The following EEPD1 variants were observed in gnomAD, a reference collection of about 807,000 sequenced individuals.
EEPD1 encodes the protein endonuclease/exonuclease/phosphatase family domain-containing protein 1.
In EEPD1, 17 loss-of-function variants were observed where a neutral mutation model predicts 46.3. That is an observed-to-expected ratio of 0.37 (90% CI 0.25 to 0.55). The LOEUF (loss-of-function observed/expected upper bound fraction) is 0.55. Ranked by LOEUF, EEPD1 falls within the 20% of genes least tolerant of loss-of-function variation. The probability of loss-of-function intolerance (pLI) is 0.83; values close to 1 mark genes in which losing one functional copy is unlikely to be tolerated. For missense variants in EEPD1, 673 were observed against 745.6 expected, an observed-to-expected ratio of 0.90 and a Z score of 1.13; for synonymous variants, 313 against 315.6, an observed-to-expected ratio of 0.99 and a Z score of 0.09.
intron 2 of EEPD1, among the ~76,000 whole-genome samples, chr7:36,188,352 TCTC>T (rs1420906006): frequency 5.3e-5 from 8 of 152,332 alleles, no homozygotes; most frequent in African/African-American, 1.9e-4. Flanking sequence ...CACCTCCTCT[TCTC>T]ACTGACATCA....
intron 3 of EEPD1, among the ~76,000 whole-genome samples, chr7:36,240,791 CG>C (rs1786543621): frequency 6.6e-6 from 1 of 152,126 alleles, no homozygotes; most frequent in Non-Finnish European, 1.5e-5. Context: ...AAAATTTTTC[CG>C]CAGACCTGGG....
intron 2 of EEPD1, among the ~76,000 whole-genome samples, chr7:36,191,457 G>A (rs936519929): frequency 6.6e-6 from 1 of 152,208 alleles, no homozygotes; most frequent in African/African-American, 2.4e-5. Flanking sequence ...GGGCAGAGAT[G>A]CTGTGGTAGA....
chr7:36,162,263 T>G (rs1295831024), intron 2 of EEPD1, among the ~76,000 whole-genome samples: 1 of 152,230 alleles, frequency 6.6e-6, no homozygotes, highest in Non-Finnish European at 1.5e-5. Flanking sequence ...TGAACTCAAG[T>G]GGCTGGGAAC....
intron 3 of EEPD1, among the ~76,000 whole-genome samples, chr7:36,256,174 A>T (rs1434914211): frequency 2.6e-5 from 4 of 152,220 alleles, no homozygotes; most frequent in Non-Finnish European, 5.9e-5. Context: ...ATTTGATTGC[A>T]CTGTGTGCTG....
rs902908495 is a variant in EEPD1 at position 36,273,665 on chromosome 7, C to G, written c.931-7450C>G. On this transcript the variant is annotated intron_variant, in intron 3 of 7. Transcript: ENST00000242108. ...GCCCCTCCCTCCTGCCTTTTCCTCC[C>G]AGAGTTCTAGAATCATGCACTTTTA... is the stretch of plus-strand genomic sequence containing the variant. Among the ~76,000 whole-genome samples, 20 of 152,116 alleles carry G rather than the reference C, an allele frequency of 1.3e-4. 1 individual carries two copies. Among genetic ancestry groups the G allele is most frequent in the African/African-American group, 4.8e-4 (20 of 41,404 alleles).
Position 36,219,873 on chromosome 7 carries a change from A to G in EEPD1, c.879-19112A>G, listed in dbSNP as rs1010376894. ...CACAGGCTTGGATACACATAAAGAG[A>G]TATATAAAACATGAAAGATTACAGT... is the stretch of plus-strand genomic sequence containing the variant. On this transcript the variant is annotated intron_variant, in intron 2 of 7. Transcript: ENST00000242108. Among the ~76,000 whole-genome samples the G allele has an allele frequency of 3.9e-5, 6 of 151,934 alleles. No individual in the cohort carries two copies. In the East Asian group the frequency reaches 1.2e-3, roughly 29 times the overall value.
chr7:36,214,500 G>A (rs573778025), intron 2 of EEPD1, among the ~76,000 whole-genome samples: 1 of 152,326 alleles, frequency 6.6e-6, no homozygotes, highest in East Asian at 1.9e-4. Flanking sequence ...TGGCTGTGGT[G>A]TAGTCTTCGT....
At chr7:36,285,444 G>C (rs1321199022) in intron 5 of EEPD1, among the ~76,000 whole-genome samples, 1 of 152,192 alleles carries the variant, frequency 6.6e-6, no homozygotes, top group Admixed American at 6.5e-5. Context: ...CATCGCCCAT[G>C]TGGGAATCTC....
intron 4 of EEPD1, among the ~76,000 whole-genome samples, chr7:36,282,374 A>C (rs1243336394): frequency 6.6e-6 from 1 of 152,240 alleles, no homozygotes; most frequent in Non-Finnish European, 1.5e-5. Context: ...CCAGGTACAC[A>C]CTGGTGAGAA....
chr7:36,190,798 G>C (rs1165959844), intron 2 of EEPD1, among the ~76,000 whole-genome samples: 1 of 152,222 alleles, frequency 6.6e-6, no homozygotes, highest in Non-Finnish European at 1.5e-5. Flanking sequence ...CATGTAGCTT[G>C]GTTATCCCAG....
intron 2 of EEPD1, among the ~76,000 whole-genome samples, chr7:36,178,012 C>G (rs1229937200): frequency 2.0e-5 from 3 of 152,190 alleles, no homozygotes; most frequent in Non-Finnish European, 4.4e-5. Context: ...CCGCGCCTGG[C>G]ACCTTCACAG....
intron 2 of EEPD1, among the ~76,000 whole-genome samples, chr7:36,220,543 AAG>A (rs1786126022): frequency 1.3e-5 from 2 of 152,178 alleles, no homozygotes; most frequent in South Asian, 4.1e-4. Flanking sequence ...GGATGAAAGA[AAG>A]AGGTACCTGT....
intron 2 of EEPD1, among the ~76,000 whole-genome samples, chr7:36,185,514 T>C (rs1037879742): frequency 1.3e-5 from 2 of 152,198 alleles, no homozygotes; most frequent in African/African-American, 2.4e-5. Context: ...TGGGAATATA[T>C]TAGAAATAGA....
intron 3 of EEPD1, among the ~76,000 whole-genome samples, chr7:36,248,994 A>AACAC (rs71553052): frequency 0.1 from 14,091 of 135,314 alleles, 1,091 homozygotes; most frequent in African/African-American, 0.22. Flanking sequence ...TGGTTCATTA[A>AACAC]ACACACACAC....
rs949102513 is a variant in EEPD1 at position 36,245,239 on chromosome 7, C to T, written c.930+6203C>T. Among the ~76,000 whole-genome samples the T allele has an allele frequency of 9.9e-5, 15 of 152,248 alleles. No homozygotes were observed. In the South Asian group the frequency reaches 2.3e-3, roughly 23 times the overall value. ...CTGGGATTACAGACATGAGCTACCG[C>T]GCCTGGCCACAGAGTTGATTCTTGA... On this transcript the variant is annotated intron_variant, in intron 3 of 7. Transcript: ENST00000242108.
chr7:36,257,869 G>T (rs1240143773), intron 3 of EEPD1, among the ~76,000 whole-genome samples: 1 of 152,072 alleles, frequency 6.6e-6, no homozygotes, highest in Non-Finnish European at 1.5e-5. Context: ...TTCCCTTCCT[G>T]GTGAAGAGTT....
intron 3 of EEPD1, among the ~76,000 whole-genome samples, chr7:36,279,099 G>T (rs922458249): frequency 9.6e-6 from 1 of 104,328 alleles, no homozygotes; most frequent in African/African-American, 3.8e-5. Flanking sequence ...CGACTCCCCC[G>T]CATCCCCGAC....
intron 2 of EEPD1, among the ~76,000 whole-genome samples, chr7:36,232,212 G>A (rs143661155): frequency 0.1 from 13,743 of 135,074 alleles, 1,190 homozygotes; most frequent in African/African-American, 0.26. Context: ...TTTTGTTTTT[G>A]TTTTTGTTTT....
chr7:36,154,538 G>A lies in EEPD1; in HGVS notation c.214G>A (p.Gly72Ser). The A allele has an allele frequency of 6.2e-7, 1 of 1,614,148 alleles. No individual in the cohort carries two copies. Among genetic ancestry groups the A allele is most frequent in the East Asian group, 2.2e-5 (1 of 44,884 alleles). ...RSIVEYREYI[G>S]GFKKVEDLAL... The stretch of plus-strand genomic sequence containing the variant: ...CATCGTGGAGTACCGAGAGTATATC[G>A]GTGGCTTCAAGAAGGTGGAGGACCT... Residue 72 changes from glycine to serine, a missense_variant, in exon 2 of 8, where the codon GGT becomes AGT. By Grantham distance (56) the Gly-to-Ser change is moderately conservative. Coordinates refer to ENST00000242108, the MANE Select transcript of EEPD1 (RefSeq NM_030636.3). This position sits in a 1 kb window ranked among gnomAD's most constrained non-coding sequence, Gnocchi z 4.2.
Sources: allele counts gnomAD v4.1 joint callset (sites outside exome capture counted in the v4.1 genomes callset), GRCh38; gene constraint gnomAD v4.1.1; non-coding constraint Gnocchi (gnomAD v3.1); transcripts MANE v1.5; gene names NCBI Gene and HGNC (gene_info 2026-07-23, HGNC 2026-07-21).